CCDC85C: variants seen among roughly 807,000 people sequenced by gnomAD.
CCDC85C encodes coiled-coil domain containing 85C, also known as coiled-coil domain-containing protein 85C.
CCDC85C carries 18 observed loss-of-function variants against 38.3 expected under a neutral mutation model. That is an observed-to-expected ratio of 0.47 (90% confidence interval 0.33 to 0.70). The LOEUF (loss-of-function observed/expected upper bound fraction) is 0.70, where lower values mean the gene tolerates loss of function less well. Among genes scored for constraint, CCDC85C ranks in the 30% least tolerant of loss-of-function variants. The pLI is 0.03. For synonymous variants in CCDC85C, 264 were observed against 293.8 expected, an observed-to-expected ratio of 0.90 and a Z score of 1.04; for missense variants, 566 against 621.2, an observed-to-expected ratio of 0.91 and a Z score of 0.94.
chr14:99,598,930 T>C (rs181157351), intron 1 of CCDC85C, among the ~76,000 whole-genome samples: 1 of 152,272 alleles, frequency 6.6e-6, no homozygotes, highest in African/African-American at 2.4e-5. Flanking sequence ...TGGGAGCCTC[T>C]CAAGGCCAGC....
chr14:99,542,025 G>A lies in CCDC85C; in HGVS notation c.794-5937C>T, dbSNP rs143776361. On this transcript the variant is annotated intron_variant, in intron 1 of 5. Coordinates refer to ENST00000380243, the MANE Select transcript of CCDC85C (RefSeq NM_001144995.2). ...AGGTCTGGGGCCAGGCAGGCTCGTG[G>A]CAGGTCATTAGCAGGAGACCTGGCC... Among the ~76,000 whole-genome samples the A allele has an allele frequency of 3.4e-3, 513 of 152,342 alleles. 4 individuals are homozygous for A. Among genetic ancestry groups the A allele is most frequent in the African/African-American group, 0.012 (486 of 41,578 alleles).
Position 99,500,465 on chromosome 14 carries a change from G to T in CCDC85C, c.*14781C>A. ...TTAGTCAAATTATCAATAACGTAAAGATCTGTTTTGTAAAGGGAGACTCAT... is the reference window on the plus strand; with the variant it reads ...TTAGTCAAATTATCAATAACGTAAATATCTGTTTTGTAAAGGGAGACTCAT... On this transcript the variant is annotated 3_prime_UTR_variant, in exon 6 of 6. Transcript: ENST00000380243. 1 of 217,794 alleles carries T rather than the reference G, an allele frequency of 4.6e-6. No individual in the cohort carries two copies. Among genetic ancestry groups the T allele is most frequent in the Admixed American group, 5.7e-5 (1 of 17,656 alleles). The allele number at this position is 217,794 out of a possible 1,614,324, so 13.5% of individuals were successfully genotyped here.
intron 1 of CCDC85C, 63 bp from the exon 2 acceptor site, chr14:99,536,151 C>A (rs955354647): frequency 2.4e-5 from 27 of 1,113,414 alleles, no homozygotes; most frequent in Admixed American, 1.6e-4. Context: ...CATTGCGCAA[C>A]CCCGACTGGC....
intron 1 of CCDC85C, among the ~76,000 whole-genome samples, chr14:99,543,528 G>C (rs2139928445): frequency 6.6e-6 from 1 of 152,300 alleles, no homozygotes; most frequent in African/African-American, 2.4e-5. Context: ...GTGCTGACCA[G>C]GAGAAATCAG....
rs1896939895 is a variant in CCDC85C, at chr14:99,505,018, T to C, written c.*10228A>G. 1 of 152,262 alleles carries C rather than the reference T, an allele frequency of 6.6e-6. No individual in the cohort carries two copies. Among genetic ancestry groups the C allele is most frequent in the African/African-American group, 2.4e-5 (1 of 41,440 alleles). 9.4% of individuals were successfully genotyped at this position (152,262 alleles called of 1,614,324 possible). A position where few individuals can be genotyped will look rare whatever the true frequency, so the allele number is the denominator to read the frequency against. On this transcript the variant is annotated 3_prime_UTR_variant, in exon 6 of 6. Coordinates refer to ENST00000380243, the MANE Select transcript of CCDC85C (RefSeq NM_001144995.2). The stretch of plus-strand genomic sequence containing the variant: ...GGAGAGGAGTCTTTCTGGAATGTGA[T>C]GAATTGAAAGGCAATAGCTTCTGAT...
In CCDC85C at chr14:99,603,342, G is replaced by A; in HGVS notation, c.618C>T (p.Ser206=). 7.6e-7 allele frequency: 1 copy of A among 1,308,104 alleles called. No individual in the cohort carries two copies. The highest frequency in any genetic ancestry group is 9.7e-7 in the Non-Finnish European group (1 of 1,031,578). 81.0% of individuals were successfully genotyped at this position (1,308,104 alleles called of 1,614,324 possible). Reference sequence around the variant, plus strand: ...CGCCGCTGCCCGCGCTGGACGTACTGCTGCCGTCGCCCACGTCGCGGGCCC... The same window carrying A: ...CGCCGCTGCCCGCGCTGGACGTACTACTGCCGTCGCCCACGTCGCGGGCCC... ...GAGARDVGDG[S]STSSAGSGGS... is the part of the protein sequence containing the mutation. The change falls in exon 1 of 6, where the codon AGC becomes AGT. Residue 206 remains serine, a synonymous_variant. Coordinates refer to ENST00000380243, the MANE Select transcript of CCDC85C (RefSeq NM_001144995.2). This position sits in a 1 kb window ranked among gnomAD's most constrained non-coding sequence, Gnocchi z 7.5.
At chr14:99,591,874 ACAGGCATGTACCACCATGCC>A (rs1480231369) in intron 1 of CCDC85C, among the ~76,000 whole-genome samples, 1 of 151,882 alleles carries the variant, frequency 6.6e-6, no homozygotes, top group Non-Finnish European at 1.5e-5. Context: ...AACTGGGATT[ACAGGCATGTACCACCATGCC>A]CAGCTAATTT....
rs372551903 is a variant in CCDC85C, at chr14:99,537,606, C to T, written c.794-1518G>A. ...AAACCAGCCTCCCCTCCTCCTCCAG[C>T]CCAGTCACCTCCCAGGAATGTGGGG... On this transcript the variant is annotated intron_variant, in intron 1 of 5. Coordinates refer to ENST00000380243, the MANE Select transcript of CCDC85C (RefSeq NM_001144995.2). 6.7e-3 allele frequency among the ~76,000 whole-genome samples: 1,023 copies of T among 152,186 alleles called. 6 individuals carry two copies. The highest frequency in any genetic ancestry group is 0.023 in the African/African-American group (966 of 41,514).
intron 1 of CCDC85C, chr14:99,580,201 C>A (rs936416176): frequency 1.8e-5 from 8 of 442,908 alleles, no homozygotes; most frequent in Non-Finnish European, 3.6e-5. Context: ...CAGGTGTGGC[C>A]CCGGAGCTCG....
At chr14:99,570,833 G>A (rs1050422781) in intron 1 of CCDC85C, among the ~76,000 whole-genome samples, 2 of 147,534 alleles carry the variant, frequency 1.4e-5, no homozygotes, top group Non-Finnish European at 3.0e-5. Flanking sequence ...AAAAGGAGAA[G>A]GGCAGAGCCG....
At chr14:99,540,401 C>A (rs1468263007) in intron 1 of CCDC85C, among the ~76,000 whole-genome samples, 3 of 152,144 alleles carry the variant, frequency 2.0e-5, no homozygotes, top group African/African-American at 7.2e-5. Context: ...GGGCAGGAGA[C>A]CCCGGGAAGG....
intron 1 of CCDC85C, among the ~76,000 whole-genome samples, chr14:99,582,192 G>GC (rs903988753): frequency 4.6e-5 from 7 of 152,072 alleles, no homozygotes; most frequent in African/African-American, 1.4e-4. Flanking sequence ...ACCAGGCCTG[G>GC]CCCCCCATCA....
At position 99,572,977 on chromosome 14, in the gene CCDC85C, G is replaced by GCCT; in HGVS notation, c.793+30187_793+30189dup. On this transcript the variant is annotated intron_variant, in intron 1 of 5. Coordinates refer to ENST00000380243, the MANE Select transcript of CCDC85C (RefSeq NM_001144995.2). This position sits in a 1 kb window ranked among gnomAD's most constrained non-coding sequence, Gnocchi z 4.4. ...CCTCCTACAAGATAGGATGGCAGCA[G>GCCT]CCTCAGAGCAGAAGGCACCCTGGTG... The GCCT allele has an allele frequency of 2.6e-6, 1 of 379,016 alleles. No homozygotes were observed. Among genetic ancestry groups the GCCT allele is most frequent in the Non-Finnish European group, 5.2e-6 (1 of 190,772 alleles). 23.5% of individuals were successfully genotyped at this position (379,016 alleles called of 1,614,324 possible). A position where few individuals can be genotyped will look rare whatever the true frequency, so the allele number is the denominator to read the frequency against.
At position 99,510,145 on chromosome 14, in the gene CCDC85C, T is replaced by C; in HGVS notation, c.*5101A>G. The C allele has an allele frequency of 6.3e-7, 1 of 1,590,992 alleles. No individual in the cohort carries two copies. The highest frequency in any genetic ancestry group is 2.3e-5 in the East Asian group (1 of 44,324). On this transcript the variant is annotated 3_prime_UTR_variant, in exon 6 of 6. Transcript: ENST00000380243. ...GGCGGAGGCCGGGCACTGATGCGTC[T>C]CTCTCCTGCAGACCGGAAGCCTCCC...
chr14:99,591,715 AGGTTTCTT>A (rs965905772), intron 1 of CCDC85C, among the ~76,000 whole-genome samples: 3 of 148,606 alleles, frequency 2.0e-5, no homozygotes, highest in Non-Finnish European at 4.4e-5. Context: ...CTCAGGTGTC[AGGTTTCTT>A]GGTTTCTTTT....
At chr14:99,564,669 T>TC (rs1284637049) in intron 1 of CCDC85C, among the ~76,000 whole-genome samples, 1 of 152,194 alleles carries the variant, frequency 6.6e-6, no homozygotes, top group Non-Finnish European at 1.5e-5. Context: ...TGGCAGGAAG[T>TC]ATCTGGCTGG....
At chr14:99,519,099 CTTTTTTTTTTTTTTTT>C (rs59524541) in intron 3 of CCDC85C, among the ~76,000 whole-genome samples, 15 of 52,174 alleles carry the variant, frequency 2.9e-4, no homozygotes, top group African/African-American at 1.2e-3. Flanking sequence ...TCATACATGC[CTTTTTTTTTTTTTTTT>C]TTTTTTTTTT....
intron 1 of CCDC85C, among the ~76,000 whole-genome samples, chr14:99,586,782 C>CT (rs1369358088): frequency 6.6e-6 from 1 of 152,136 alleles, no homozygotes; most frequent in Non-Finnish European, 1.5e-5. Context: ...GCCAGCCACT[C>CT]TGCTCTGCCG....
intron 1 of CCDC85C, among the ~76,000 whole-genome samples, chr14:99,567,790 A>C (rs994977511): frequency 1.3e-5 from 2 of 152,182 alleles, no homozygotes; most frequent in Admixed American, 6.5e-5. Flanking sequence ...GCACCATTGC[A>C]CTCCAGCCTG....
Sources: allele counts gnomAD v4.1 joint callset (sites outside exome capture counted in the v4.1 genomes callset), GRCh38; gene constraint gnomAD v4.1.1; non-coding constraint Gnocchi (gnomAD v3.1); transcripts MANE v1.5; gene names NCBI Gene and HGNC (gene_info 2026-07-23, HGNC 2026-07-21).